The following SLC44A5 variants were observed in gnomAD, a reference collection of about 807,000 sequenced individuals.
The protein encoded by SLC44A5 is choline transporter-like protein 5.
In SLC44A5, 57 loss-of-function variants were observed where a neutral mutation model predicts 101.8. The ratio of observed to expected loss-of-function variants is 0.56; its 90% CI spans 0.45 to 0.70. The LOEUF (loss-of-function observed/expected upper bound fraction) is 0.70, where lower values mean the gene tolerates loss of function less well. Among genes scored for constraint, SLC44A5 ranks in the 30% least tolerant of loss-of-function variants. SLC44A5 has a pLI of 0.00. For synonymous variants in SLC44A5, 281 were observed against 290.9 expected (o/e 0.97, Z 0.35); for missense variants, 737 against 853.1 (o/e 0.86, Z 1.70).
intron 1 of SLC44A5, among the ~76,000 whole-genome samples, chr1:75,565,441 A>G (rs570133030): frequency 6.6e-6 from 1 of 152,242 alleles, no homozygotes; most frequent in South Asian, 2.1e-4. Flanking sequence ...GCAGTTAATT[A>G]TGGCCAATGC....
chr1:75,385,371 G>T (rs974003185), intron 3 of SLC44A5, among the ~76,000 whole-genome samples: 1 of 151,136 alleles, frequency 6.6e-6, no homozygotes, highest in Non-Finnish European at 1.5e-5. Flanking sequence ...AATGATAAAG[G>T]GGATATCGCC....
chr1:75,401,240 T>C (rs1360809873), intron 2 of SLC44A5, among the ~76,000 whole-genome samples: 2 of 152,222 alleles, frequency 1.3e-5, no homozygotes, highest in African/African-American at 2.4e-5. Flanking sequence ...ATTTATTCAC[T>C]CATTTAACAA....
intron 2 of SLC44A5, among the ~76,000 whole-genome samples, chr1:75,466,482 C>T (rs147956741): frequency 0.015 from 2,289 of 151,908 alleles, 58 homozygotes; most frequent in African/African-American, 0.052. Flanking sequence ...TAGTGAAACC[C>T]TGTCTCTACT....
At chr1:75,532,767 T>TG in intron 2 of SLC44A5, among the ~76,000 whole-genome samples, 1 of 152,202 alleles carries the variant, frequency 6.6e-6, no homozygotes, top group Middle Eastern at 3.4e-3. Flanking sequence ...GGGCTGGGTG[T>TG]GGTGGCTCAT....
intron 4 of SLC44A5, among the ~76,000 whole-genome samples, chr1:75,301,636 T>G (rs949635391): frequency 6.6e-6 from 1 of 152,184 alleles, no homozygotes; most frequent in African/African-American, 2.4e-5. Flanking sequence ...TTTTTTGAAG[T>G]GGTAAGTAAT....
intron 12 of SLC44A5, among the ~76,000 whole-genome samples, chr1:75,233,577 C>G (rs1332801023): frequency 6.6e-6 from 1 of 152,172 alleles, no homozygotes; most frequent in Non-Finnish European, 1.5e-5. Context: ...CTGGATTAAA[C>G]GTACTAAGTT....
intron 4 of SLC44A5, among the ~76,000 whole-genome samples, chr1:75,325,146 G>A (rs1013302184): frequency 6.6e-6 from 1 of 152,112 alleles, no homozygotes; most frequent in Non-Finnish European, 1.5e-5. Context: ...ACAGACAAGA[G>A]GGGAACTGAT....
Position 75,265,897 on chromosome 1 carries a change from C to CA in SLC44A5, c.260+9060dup, listed in dbSNP as rs1650942957. 3.9e-5 allele frequency among the ~76,000 whole-genome samples: 6 copies of CA among 152,256 alleles called. No homozygotes were observed. The South Asian group carries it at 1.2e-3, about 32-fold the overall frequency. Reference sequence around the variant, plus strand: ...GTAGCCAGTAGGTGGCATCAAAAATCAATCACGTTCTCTTTTTTTGTGGAA... The same window carrying CA: ...GTAGCCAGTAGGTGGCATCAAAAATCAAATCACGTTCTCTTTTTTTGTGGAA... On this transcript the variant is annotated intron_variant, in intron 6 of 23. Coordinates refer to ENST00000370859, the MANE Select transcript of SLC44A5 (RefSeq NM_001130058.2).
chr1:75,534,707 A>G (rs1362293224), intron 2 of SLC44A5, among the ~76,000 whole-genome samples: 1 of 152,260 alleles, frequency 6.6e-6, no homozygotes, highest in Non-Finnish European at 1.5e-5. Flanking sequence ...CAGTCCTGAA[A>G]TAACTTCCAT....
intron 2 of SLC44A5, among the ~76,000 whole-genome samples, chr1:75,455,272 C>CAA: frequency 6.6e-6 from 1 of 152,138 alleles, no homozygotes; most frequent in African/African-American, 2.4e-5. Flanking sequence ...GGAAAGGACT[C>CAA]TCTATTCAAT....
intron 12 of SLC44A5, among the ~76,000 whole-genome samples, chr1:75,231,509 T>C (rs1647570972): frequency 6.6e-6 from 1 of 152,202 alleles, no homozygotes; most frequent in Non-Finnish European, 1.5e-5. Context: ...TTTCTCTCTC[T>C]TGTCCTAGAT....
At chr1:75,372,044 A>G (rs1660259881) in intron 3 of SLC44A5, among the ~76,000 whole-genome samples, 1 of 152,110 alleles carries the variant, frequency 6.6e-6, no homozygotes, top group African/African-American at 2.4e-5. Context: ...TAAAAATACA[A>G]ACATTAGCCG....
In SLC44A5 at chr1:75,234,091, T is replaced by A; in HGVS notation, c.748A>T (p.Thr250Ser). The part of the protein sequence containing the change: ...RTWYWILIGL[T>S]IAMVLSWIFL... ...ATCCAACTAAGGACCATGGCAATCG[T>A]CAGGCCACTAGAAAAAACCCACAAC... Residue 250 changes from threonine (T) to serine (S), a missense_variant, in exon 12 of 24, where the codon ACG becomes TCG. Around this residue, in one of 3 missense-constraint regions of SLC44A5, gnomAD observed 665 missense variants for 764.4 expected, o/e 0.87. Coordinates refer to ENST00000370859, the MANE Select transcript of SLC44A5 (RefSeq NM_001130058.2). The A allele has an allele frequency of 6.2e-7, 1 of 1,612,308 alleles. No homozygotes were observed. The highest frequency in any genetic ancestry group is 8.5e-7 in the Non-Finnish European group (1 of 1,178,690).
At chr1:75,575,734 G>A (rs1484322938) in intron 1 of SLC44A5, among the ~76,000 whole-genome samples, 2 of 152,146 alleles carry the variant, frequency 1.3e-5, no homozygotes, top group Non-Finnish European at 2.9e-5. Flanking sequence ...CAAAAAATCT[G>A]AGCTGACCTT....
intron 2 of SLC44A5, among the ~76,000 whole-genome samples, chr1:75,424,641 A>G (rs563971465): frequency 1.3e-5 from 2 of 152,302 alleles, no homozygotes; most frequent in South Asian, 4.1e-4. Flanking sequence ...GAGTTCTAAT[A>G]ATAGTGAAAT....
chr1:75,596,208 A>G (rs929667664), intron 1 of SLC44A5, among the ~76,000 whole-genome samples: 72 of 152,014 alleles, frequency 4.7e-4, no homozygotes, highest in African/African-American at 1.6e-3. Context: ...ACATGCACAC[A>G]CACACACACA....
chr1:75,286,569 G>C (rs981311691), intron 5 of SLC44A5, among the ~76,000 whole-genome samples: 1 of 152,044 alleles, frequency 6.6e-6, no homozygotes, highest in East Asian at 1.9e-4. Flanking sequence ...TTATAGGTCC[G>C]TTGAGATTTA....
intron 1 of SLC44A5, among the ~76,000 whole-genome samples, chr1:75,604,151 A>G (rs1480305697): frequency 1.3e-5 from 2 of 152,142 alleles, no homozygotes; most frequent in Admixed American, 1.3e-4. Flanking sequence ...TTGAAGTCTT[A>G]CATTTAATTC....
intron 10 of SLC44A5, 45 bp downstream of exon 10, chr1:75,238,468 T>C: frequency 1.3e-6 from 2 of 1,514,532 alleles, no homozygotes; most frequent in Non-Finnish European, 1.8e-6. Context: ...TCGAGTGCAA[T>C]AACAAAATGC....
Sources: allele counts gnomAD v4.1 joint callset (sites outside exome capture counted in the v4.1 genomes callset), GRCh38; gene constraint gnomAD v4.1.1; regional missense constraint gnomAD v4.1.1; transcripts MANE v1.5; gene names NCBI Gene and HGNC (gene_info 2026-07-23, HGNC 2026-07-21).